LRRC4C: variants seen among roughly 807,000 people sequenced by gnomAD.
LRRC4C encodes the protein leucine-rich repeat-containing protein 4C.
A neutral mutation model predicts 33.6 loss-of-function variants in LRRC4C; 5 were observed. That is an observed-to-expected ratio of 0.15 (90% CI 0.08 to 0.31). The LOEUF is 0.31. Among genes scored for constraint, LRRC4C ranks in the 10% least tolerant of loss-of-function variants. LRRC4C has a pLI of 1.00. For synonymous variants in LRRC4C, 329 were observed against 302.0 expected (o/e 1.09, Z -0.93); for missense variants, 560 against 796.7 (o/e 0.70, Z 3.58).
At chr11:40,596,184 G>T (rs1049334199) in intron 3 of LRRC4C, among the ~76,000 whole-genome samples, 6 of 152,160 alleles carry the variant, frequency 3.9e-5, no homozygotes, top group African/African-American at 1.4e-4. Context: ...ACAACTCATG[G>T]CGCAAGGCTA....
intron 1 of LRRC4C, among the ~76,000 whole-genome samples, chr11:41,102,669 C>A (rs1333389452): frequency 6.6e-6 from 1 of 151,974 alleles, no homozygotes; most frequent in Non-Finnish European, 1.5e-5. Context: ...TTATTCAACT[C>A]ATTTCTCTCT....
chr11:40,848,928 T>C (rs913162077), intron 2 of LRRC4C, among the ~76,000 whole-genome samples: 1 of 152,198 alleles, frequency 6.6e-6, no homozygotes, highest in East Asian at 1.9e-4. Flanking sequence ...TTGATCTTTG[T>C]TGGTTTAAAA....
chr11:40,526,073 AT>A (rs1956036408), intron 3 of LRRC4C, among the ~76,000 whole-genome samples: 1 of 152,012 alleles, frequency 6.6e-6, no homozygotes, highest in Non-Finnish European at 1.5e-5. Context: ...CATGCCTCTA[AT>A]TAAAAAAAAA....
chr11:40,389,523 T>C (rs1443883302), intron 3 of LRRC4C, among the ~76,000 whole-genome samples: 1 of 152,180 alleles, frequency 6.6e-6, no homozygotes, highest in African/African-American at 2.4e-5. Flanking sequence ...TTTCTCATTT[T>C]AAATATCTAG....
At chr11:41,004,752 A>G (rs1285237308) in intron 1 of LRRC4C, among the ~76,000 whole-genome samples, 1 of 151,884 alleles carries the variant, frequency 6.6e-6, no homozygotes, top group Admixed American at 6.6e-5. Flanking sequence ...GAGGGGGCAC[A>G]TGTTCTCAGG....
chr11:41,160,360 A>G (rs934207642), intron 1 of LRRC4C, among the ~76,000 whole-genome samples: 2 of 151,250 alleles, frequency 1.3e-5, no homozygotes, highest in African/African-American at 4.9e-5. Context: ...AGCCTAGGCA[A>G]CGTAGCAAGA....
At chr11:40,459,770 C>T (rs1179626492) in intron 3 of LRRC4C, among the ~76,000 whole-genome samples, 1 of 152,124 alleles carries the variant, frequency 6.6e-6, no homozygotes, top group Non-Finnish European at 1.5e-5. Flanking sequence ...TGATGTCCAC[C>T]ACACAAAGCC....
intron 2 of LRRC4C, among the ~76,000 whole-genome samples, chr11:40,827,685 A>AT (rs1356580187): frequency 6.6e-6 from 1 of 151,678 alleles, no homozygotes; most frequent in Non-Finnish European, 1.5e-5. Flanking sequence ...CATTTTATTT[A>AT]TTTTCTCTTG....
At chr11:40,762,085 G>A (rs893634726) in intron 2 of LRRC4C, among the ~76,000 whole-genome samples, 1 of 152,116 alleles carries the variant, frequency 6.6e-6, no homozygotes, top group Non-Finnish European at 1.5e-5. Context: ...CCAAGGGATT[G>A]TTCCTGGAAT....
intron 1 of LRRC4C, among the ~76,000 whole-genome samples, chr11:41,062,936 A>G (rs185437439): frequency 1.8e-4 from 28 of 152,132 alleles, no homozygotes; most frequent in African/African-American, 6.3e-4. Context: ...GAAATGAGAG[A>G]GAGAGAGAGA....
At chr11:41,368,250 T>C (rs1434600447) in intron 1 of LRRC4C, among the ~76,000 whole-genome samples, 3 of 152,160 alleles carry the variant, frequency 2.0e-5, no homozygotes, top group Admixed American at 6.5e-5. Context: ...CAGAATGAGA[T>C]ACACCCATTA....
At chr11:41,375,762 T>G (rs1952914356) in intron 1 of LRRC4C, among the ~76,000 whole-genome samples, 1 of 152,246 alleles carries the variant, frequency 6.6e-6, no homozygotes, top group Admixed American at 6.5e-5. Flanking sequence ...TTTGCCTGCT[T>G]GTCTATAGTA....
intron 3 of LRRC4C, among the ~76,000 whole-genome samples, chr11:40,588,895 A>G (rs1240190732): frequency 6.6e-6 from 1 of 152,110 alleles, no homozygotes; most frequent in Non-Finnish European, 1.5e-5. Context: ...CTTTACTTCC[A>G]AGTATGTGGT....
At chr11:40,922,569 G>C (rs538616425) in intron 2 of LRRC4C, among the ~76,000 whole-genome samples, 1 of 152,222 alleles carries the variant, frequency 6.6e-6, no homozygotes, top group South Asian at 2.1e-4. Flanking sequence ...TAAAAGATGT[G>C]ATTCGTCACC....
intron 1 of LRRC4C, among the ~76,000 whole-genome samples, chr11:41,188,416 A>G (rs1180814991): frequency 6.6e-6 from 1 of 152,184 alleles, no homozygotes; most frequent in African/African-American, 2.4e-5. Flanking sequence ...AAGACTGAAT[A>G]GTGAGGTAGC....
chr11:40,916,562 T>C (rs868841413), intron 2 of LRRC4C, among the ~76,000 whole-genome samples: 11 of 150,410 alleles, frequency 7.3e-5, no homozygotes, highest in African/African-American at 2.7e-4. Context: ...TGGTGGGAGG[T>C]GGGAGGGATA....
chr11:40,427,971 A>G (rs1950779188), intron 3 of LRRC4C, among the ~76,000 whole-genome samples: 2 of 152,228 alleles, frequency 1.3e-5, no homozygotes, highest in South Asian at 4.1e-4. Context: ...TTAAAAGAAA[A>G]TTTAACAAAT....
At chr11:41,097,689 C>A (rs1299866513) in intron 1 of LRRC4C, among the ~76,000 whole-genome samples, 3 of 152,174 alleles carry the variant, frequency 2.0e-5, no homozygotes, top group Non-Finnish European at 4.4e-5. Flanking sequence ...ATAGTGTTTA[C>A]TTCTCAAACA....
At chr11:40,247,113 C>CTCT (rs1188575434) in intron 4 of LRRC4C, among the ~76,000 whole-genome samples, 5 of 148,586 alleles carry the variant, frequency 3.4e-5, no homozygotes, top group African/African-American at 5.0e-5. Context: ...CCTTTTCTCT[C>CTCT]TTTTTTTTTT....
Sources: gnomAD v4.1 joint callset for allele counts (sites outside exome capture counted in the v4.1 genomes callset) on GRCh38, gnomAD v4.1.1 for gene constraint, MANE v1.5 for transcripts, NCBI Gene and HGNC (gene_info 2026-07-23, HGNC 2026-07-21) for gene names.